The following MYO3B variants were observed in gnomAD, a reference collection of about 807,000 sequenced individuals.
MYO3B encodes myosin-IIIb.
Under a neutral mutation model 174.6 loss-of-function variants are expected in MYO3B, and 156 were observed. The observed-to-expected ratio is 0.89, with a 90% confidence interval of 0.78 to 1.02. MYO3B has a LOEUF of 1.02. Ranked by LOEUF, MYO3B falls within the 50% of genes least tolerant of loss-of-function variation. MYO3B has a pLI of 0.00. For synonymous variants in MYO3B, 563 were observed against 569.1 expected, an observed-to-expected ratio of 0.99 and a Z score of 0.15; for missense variants, 1,632 against 1,639.4, an observed-to-expected ratio of 1.00 and a Z score of 0.08.
chr2:170,581,954 C>T (rs552482108), intron 32 of MYO3B, among the ~76,000 whole-genome samples: 29 of 152,250 alleles, frequency 1.9e-4, no homozygotes, highest in African/African-American at 5.5e-4. Context: ...CAGGTAAAAA[C>T]ACCCCCAAAA....
intron 23 of MYO3B, among the ~76,000 whole-genome samples, chr2:170,446,682 G>A (rs1211166505): frequency 6.6e-6 from 1 of 152,096 alleles, no homozygotes; most frequent in Non-Finnish European, 1.5e-5. Flanking sequence ...TTACAGAAGT[G>A]GCCCTGGATA....
At chr2:170,396,083 G>C (rs6433199) in intron 16 of MYO3B, among the ~76,000 whole-genome samples, 43,313 of 152,090 alleles carry the variant, frequency 0.28, 6,401 homozygotes, top group East Asian at 0.4. Flanking sequence ...ACAATAAATT[G>C]AGAAACCCAG....
intron 6 of MYO3B, among the ~76,000 whole-genome samples, chr2:170,226,888 C>T (rs535481652): frequency 6.6e-6 from 1 of 152,298 alleles, no homozygotes; most frequent in Admixed American, 6.5e-5. Flanking sequence ...TCTGCTGTTG[C>T]CCCTTCTCTT....
chr2:170,490,529 A>AT (rs554826924), intron 25 of MYO3B, among the ~76,000 whole-genome samples: 326 of 145,288 alleles, frequency 2.2e-3, no homozygotes, highest in Middle Eastern at 0.022. Context: ...CATGGATGTT[A>AT]TTTTTTTTTT....
intron 7 of MYO3B, among the ~76,000 whole-genome samples, chr2:170,304,689 A>C (rs1574752207): frequency 6.7e-6 from 1 of 148,824 alleles, no homozygotes; most frequent in East Asian, 2.0e-4. Flanking sequence ...CTGGTCTCAA[A>C]CTCCTGACCT....
intron 6 of MYO3B, among the ~76,000 whole-genome samples, chr2:170,218,684 C>A (rs1306532569): frequency 6.6e-6 from 1 of 152,198 alleles, no homozygotes; most frequent in Non-Finnish European, 1.5e-5. Context: ...CCAACTGTTA[C>A]ATCTGTGTTG....
intron 7 of MYO3B, among the ~76,000 whole-genome samples, chr2:170,291,857 C>T (rs1345416957): frequency 6.6e-6 from 1 of 152,022 alleles, no homozygotes; most frequent in Non-Finnish European, 1.5e-5. Flanking sequence ...CATTTAGGAT[C>T]TTCACTTTGT....
intron 25 of MYO3B, among the ~76,000 whole-genome samples, chr2:170,491,414 T>C (rs1686459131): frequency 6.6e-6 from 1 of 151,498 alleles, no homozygotes; most frequent in Non-Finnish European, 1.5e-5. Flanking sequence ...GACTTGAGTA[T>C]TTTTTAATTA....
chr2:170,638,435 A>T (rs1697704409), intron 32 of MYO3B, among the ~76,000 whole-genome samples: 1 of 152,306 alleles, frequency 6.6e-6, no homozygotes, highest in African/African-American at 2.4e-5. Flanking sequence ...ATTTATGGAG[A>T]ACTTTTTCCT....
intron 7 of MYO3B, among the ~76,000 whole-genome samples, chr2:170,275,722 C>G (rs2093459746): frequency 2.0e-5 from 3 of 151,738 alleles, no homozygotes; most frequent in African/African-American, 7.3e-5. Flanking sequence ...TGCATTGTAC[C>G]ATAAAAACCA....
At chr2:170,493,568 G>A (rs1348310650) in intron 25 of MYO3B, among the ~76,000 whole-genome samples, 6 of 151,914 alleles carry the variant, frequency 3.9e-5, no homozygotes, top group African/African-American at 1.4e-4. Flanking sequence ...TTTAACATAC[G>A]TCTACAAATT....
intron 24 of MYO3B, among the ~76,000 whole-genome samples, chr2:170,464,537 C>A (rs1488506177): frequency 2.6e-5 from 4 of 152,008 alleles, no homozygotes; most frequent in African/African-American, 7.2e-5. Context: ...GGATAGAAGG[C>A]TCCATGGAAA....
intron 32 of MYO3B, among the ~76,000 whole-genome samples, chr2:170,558,453 C>T (rs1285343425): frequency 6.6e-6 from 1 of 152,122 alleles, no homozygotes; most frequent in African/African-American, 2.4e-5. Flanking sequence ...GACTCTCTTC[C>T]TGCATCCTAC....
chr2:170,538,790 C>T (rs1012339994), intron 30 of MYO3B, among the ~76,000 whole-genome samples: 11 of 152,170 alleles, frequency 7.2e-5, no homozygotes, highest in South Asian at 2.1e-4. Flanking sequence ...TTTAGTTATG[C>T]TTCCAAGACG....
intron 23 of MYO3B, among the ~76,000 whole-genome samples, chr2:170,454,545 G>C (rs981802190): frequency 2.0e-5 from 3 of 152,224 alleles, no homozygotes; most frequent in Non-Finnish European, 4.4e-5. Flanking sequence ...CCTGCCAGTA[G>C]AGACAGTGCC....
intron 6 of MYO3B, among the ~76,000 whole-genome samples, chr2:170,218,560 T>C (rs866565430): frequency 8.5e-5 from 13 of 152,212 alleles, no homozygotes; most frequent in Admixed American, 3.3e-4. Flanking sequence ...GTATGGGTTA[T>C]TTTCAGTCTG....
intron 21 of MYO3B, among the ~76,000 whole-genome samples, chr2:170,407,289 A>T (rs2094516039): frequency 6.7e-6 from 1 of 148,274 alleles, no homozygotes; most frequent in South Asian, 2.1e-4. Flanking sequence ...GTGAAACCCC[A>T]TCTCTGCTAA....
intron 7 of MYO3B, among the ~76,000 whole-genome samples, chr2:170,271,119 C>A (rs971696524): frequency 6.6e-6 from 1 of 152,080 alleles, no homozygotes; most frequent in Non-Finnish European, 1.5e-5. Flanking sequence ...GGTTTTGTAA[C>A]CTGGTTTCCA....
At chr2:170,371,216 T>TAAAAAAA (rs56689548) in intron 9 of MYO3B, among the ~76,000 whole-genome samples, 1 of 89,718 alleles carries the variant, frequency 1.1e-5, no homozygotes, top group Non-Finnish European at 2.1e-5. Context: ...AGACAGTGTC[T>TAAAAAAA]AAAAAAAAAA....
Sources: gnomAD v4.1 joint callset for allele counts (sites outside exome capture counted in the v4.1 genomes callset) on GRCh38, gnomAD v4.1.1 for gene constraint, MANE v1.5 for transcripts, NCBI Gene and HGNC (gene_info 2026-07-23, HGNC 2026-07-21) for gene names.